ST18: variants seen among roughly 807,000 people sequenced by gnomAD.
ST18 encodes ST18 C2H2C-type zinc finger transcription factor, also known as suppression of tumorigenicity 18 protein.
ST18 carries 50 observed loss-of-function variants against 110.0 expected under a neutral mutation model. That is an observed-to-expected ratio of 0.45 (90% CI 0.36 to 0.58). The LOEUF is 0.58. Ranked by LOEUF, ST18 falls within the 20% of genes least tolerant of loss-of-function variation. The probability of loss-of-function intolerance (pLI) is 0.00; values close to 1 mark genes in which losing one functional copy is unlikely to be tolerated. For synonymous variants in ST18, 461 were observed against 452.4 expected, an observed-to-expected ratio of 1.02 and a Z score of -0.24; for missense variants, 1,306 against 1,280.1, an observed-to-expected ratio of 1.02 and a Z score of -0.31.
intron 10 of ST18, among the ~76,000 whole-genome samples, chr8:52,170,456 A>AATC (rs1563835113): frequency 2.4e-4 from 24 of 100,466 alleles, no homozygotes; most frequent in East Asian, 1.7e-3. Context: ...AAAAATCAAT[A>AATC]AATAAATAAA....
chr8:52,161,697 G>A, intron 13 of ST18, 129 bp from the exon 14 acceptor site: 2 of 1,063,670 alleles, frequency 1.9e-6, no homozygotes, highest in South Asian at 1.6e-5. Context: ...AACAATAAGA[G>A]AGACGGGGCC....
intron 17 of ST18, among the ~76,000 whole-genome samples, chr8:52,139,079 T>C (rs2053716276): frequency 6.6e-6 from 1 of 151,500 alleles, no homozygotes; most frequent in African/African-American, 2.4e-5. Flanking sequence ...CCATCCCTTT[T>C]CCTGGATAAG....
intron 2 of ST18, among the ~76,000 whole-genome samples, chr8:52,333,915 C>T (rs1589999459): frequency 7.1e-6 from 1 of 141,256 alleles, no homozygotes; most frequent in Admixed American, 7.7e-5. Flanking sequence ...TCAGAAAAGC[C>T]AATGGGCTCC....
At position 52,261,773 on chromosome 8, in the gene ST18, C is replaced by T. The variant is rs1277763280; in HGVS notation, c.-464-31696G>A. ...AACATTTCATCCTCCATTATCTGGGCTTTTAACATATCCCAGGACCGAGTC... is the reference window on the plus strand; with the variant it reads ...AACATTTCATCCTCCATTATCTGGGTTTTTAACATATCCCAGGACCGAGTC... On this transcript the variant is annotated intron_variant, in intron 2 of 25. Transcript: ENST00000689386. Among the ~76,000 whole-genome samples, 4 of 152,290 alleles carry T rather than the reference C, an allele frequency of 2.6e-5. No homozygotes were observed. In the East Asian group the frequency reaches 5.8e-4, roughly 22 times the overall value.
At chr8:52,198,464 A>G (rs967505590) in intron 8 of ST18, among the ~76,000 whole-genome samples, 1 of 152,192 alleles carries the variant, frequency 6.6e-6, no homozygotes, top group Non-Finnish European at 1.5e-5. Context: ...AATATGAATA[A>G]GACTTGTTTG....
chr8:52,271,566 T>C (rs1411372208), intron 2 of ST18, among the ~76,000 whole-genome samples: 1 of 152,250 alleles, frequency 6.6e-6, no homozygotes, highest in Admixed American at 6.5e-5. Flanking sequence ...TGAGTATGAG[T>C]ACCCACGTAG....
intron 16 of ST18, among the ~76,000 whole-genome samples, chr8:52,148,779 A>T (rs1392982156): frequency 6.6e-6 from 1 of 152,046 alleles, no homozygotes. Context: ...TGTGATCAAA[A>T]CTGTGTACGT....
intron 8 of ST18, among the ~76,000 whole-genome samples, chr8:52,185,728 A>G (rs952872847): frequency 4.6e-5 from 7 of 152,194 alleles, no homozygotes; most frequent in Admixed American, 1.3e-4. Context: ...TATCTGAAAA[A>G]GAGATCCCTC....
chr8:52,350,526 G>A (rs942882249), intron 2 of ST18, among the ~76,000 whole-genome samples: 5 of 152,046 alleles, frequency 3.3e-5, no homozygotes, highest in African/African-American at 1.2e-4. Flanking sequence ...TCCTTCATTT[G>A]GAAACAGCAG....
At chr8:52,194,652 T>C (rs1460937583) in intron 8 of ST18, 1 of 152,188 alleles carries the variant, frequency 6.6e-6, no homozygotes, top group African/African-American at 2.4e-5. Flanking sequence ...TGGGACTAAC[T>C]TCCCTTATCC....
intron 9 of ST18, among the ~76,000 whole-genome samples, chr8:52,174,909 TG>T (rs1477189086): frequency 6.6e-6 from 1 of 152,142 alleles, no homozygotes; most frequent in East Asian, 1.9e-4. Flanking sequence ...AGATCTGTGA[TG>T]GGGTGCTTGT....
chr8:52,310,195 T>A (rs895978828), intron 2 of ST18, among the ~76,000 whole-genome samples: 3 of 152,306 alleles, frequency 2.0e-5, no homozygotes, highest in African/African-American at 7.2e-5. Flanking sequence ...ATGGGAGTGA[T>A]GATGGCCCGG....
intron 14 of ST18, among the ~76,000 whole-genome samples, chr8:52,160,522 C>T (rs747582107): frequency 6.6e-6 from 1 of 152,178 alleles, no homozygotes; most frequent in African/African-American, 2.4e-5. Context: ...GATTCTATGG[C>T]TATGCAGAAT....
At chr8:52,121,054 A>G (rs994500433) in intron 23 of ST18, among the ~76,000 whole-genome samples, 8 of 152,154 alleles carry the variant, frequency 5.3e-5, no homozygotes, top group Non-Finnish European at 7.3e-5. Flanking sequence ...GTAGTAGGAT[A>G]AGTAAAAGTT....
intron 2 of ST18, among the ~76,000 whole-genome samples, chr8:52,381,314 T>A (rs1241225210): frequency 6.6e-6 from 1 of 152,090 alleles, no homozygotes; most frequent in African/African-American, 2.4e-5. Context: ...CCAGACGTCA[T>A]TCCCCAACAA....
intron 2 of ST18, among the ~76,000 whole-genome samples, chr8:52,314,348 A>G (rs2095982934): frequency 6.6e-6 from 1 of 152,198 alleles, no homozygotes; most frequent in Non-Finnish European, 1.5e-5. Flanking sequence ...TGGACCCAAC[A>G]GGCCCATTTA....
intron 2 of ST18, among the ~76,000 whole-genome samples, chr8:52,276,136 ACAC>A (rs2095243338): frequency 1.2e-4 from 1 of 8,612 alleles, no homozygotes; most frequent in Non-Finnish European, 3.0e-4. Flanking sequence ...TACCACACAC[ACAC>A]CACATGCACA....
At chr8:52,190,053 G>A (rs772440658) in intron 8 of ST18, among the ~76,000 whole-genome samples, 1 of 152,110 alleles carries the variant, frequency 6.6e-6, no homozygotes, top group Non-Finnish European at 1.5e-5. Flanking sequence ...GATTCAAAAT[G>A]CTCCAAAATT....
At chr8:52,291,590 A>G (rs1009211902) in intron 2 of ST18, among the ~76,000 whole-genome samples, 1 of 152,232 alleles carries the variant, frequency 6.6e-6, no homozygotes, top group African/African-American at 2.4e-5. Flanking sequence ...TTAAAGAACT[A>G]AAACTGCTCA....
Sources: allele counts gnomAD v4.1 joint callset (sites outside exome capture counted in the v4.1 genomes callset), GRCh38; gene constraint gnomAD v4.1.1; transcripts MANE v1.5; gene names NCBI Gene and HGNC (gene_info 2026-07-23, HGNC 2026-07-21).